The following AK9 variants were observed in gnomAD, a reference collection of about 807,000 sequenced individuals.
AK9 encodes adenylate kinase domain containing 1.
Under a neutral mutation model 239.6 loss-of-function variants are expected in AK9, and 191 were observed. That is an observed-to-expected ratio of 0.80 (90% confidence interval 0.71 to 0.90). The LOEUF is 0.90. Among genes scored for constraint, AK9 ranks in the 40% least tolerant of loss-of-function variants. The pLI is 0.00. For missense variants in AK9, 1,995 were observed against 2,214.7 expected (o/e 0.90, Z 1.99); for synonymous variants, 689 against 721.0 (o/e 0.96, Z 0.71).
intron 33 of AK9, among the ~76,000 whole-genome samples, chr6:109,508,631 G>C (rs935177418): frequency 2.6e-5 from 4 of 152,192 alleles, no homozygotes; most frequent in Non-Finnish European, 5.9e-5. Context: ...CAGGGCTTCA[G>C]GTTTCATGGG....
Position 109,645,291 on chromosome 6 carries a change from T to G in AK9, c.760-603A>C, listed in dbSNP as rs181892193. Among the ~76,000 whole-genome samples the G allele has an allele frequency of 2.8e-3, 422 of 152,224 alleles. 2 individuals are homozygous for G. Among genetic ancestry groups the G allele is most frequent in the African/African-American group, 9.9e-3 (410 of 41,550 alleles). Reference sequence around the variant, plus strand: ...TGGGAAGCACAAGGGGTGGGGGGATTTCGCTTTCCTAGCCAAGGGAAAGTG... The same window carrying G: ...TGGGAAGCACAAGGGGTGGGGGGATGTCGCTTTCCTAGCCAAGGGAAAGTG... On this transcript the variant is annotated intron_variant, in intron 8 of 40. Transcript: ENST00000424296.
chr6:109,540,677 C>A (rs1210905656), intron 27 of AK9, among the ~76,000 whole-genome samples: 2 of 152,194 alleles, frequency 1.3e-5, no homozygotes, highest in African/African-American at 4.8e-5. Context: ...TCAGAAATCA[C>A]CTGTCCTCTC....
At chr6:109,641,464 C>G (rs1167913829) in intron 10 of AK9, 54 bp downstream of exon 10, 5 of 1,453,852 alleles carry the variant, frequency 3.4e-6, no homozygotes, top group Non-Finnish European at 4.8e-6. Context: ...CCACTGCACC[C>G]TGCCCACAAC....
At position 109,610,353 on chromosome 6, in the gene AK9, T is replaced by C; in HGVS notation, c.1842+12A>G. 6.4e-7 allele frequency: 1 copy of C among 1,550,960 alleles called. No individual in the cohort carries two copies. Among genetic ancestry groups the C allele is most frequent in the Non-Finnish European group, 8.7e-7 (1 of 1,146,606 alleles). On this transcript the variant is annotated intron_variant, in intron 17 of 40. Transcript: ENST00000424296. ...AAGTCACTGATAAGAATTGCCCAGC[T>C]AGATTTTTTACCTCTCCAAGGACTT...
intron 17 of AK9, among the ~76,000 whole-genome samples, chr6:109,597,491 T>G (rs1476562075): frequency 6.6e-6 from 1 of 151,960 alleles, no homozygotes; most frequent in African/African-American, 2.4e-5. Flanking sequence ...GCTAACATGG[T>G]GAAACCCCAT....
At chr6:109,518,804 G>C (rs1040571594) in intron 29 of AK9, among the ~76,000 whole-genome samples, 3 of 150,976 alleles carry the variant, frequency 2.0e-5, no homozygotes, top group Admixed American at 2.0e-4. Context: ...TTTTTTCAAT[G>C]AATTAAAAAA....
chr6:109,667,309 T>A (rs938277935), intron 5 of AK9, among the ~76,000 whole-genome samples: 1 of 152,088 alleles, frequency 6.6e-6, no homozygotes, highest in Non-Finnish European at 1.5e-5. Flanking sequence ...TTGTTTTTTT[T>A]TTTAATTCTC....
chr6:109,528,893 G>C (rs1780861943), intron 29 of AK9, 118 bp downstream of exon 29: 1 of 1,498,602 alleles, frequency 6.7e-7, no homozygotes, highest in African/African-American at 1.4e-5. Context: ...AGGCTGAGGT[G>C]GGAGGATCCC....
chr6:109,586,397 G>A (rs1028285102), intron 17 of AK9, among the ~76,000 whole-genome samples: 1 of 152,116 alleles, frequency 6.6e-6, no homozygotes, highest in Non-Finnish European at 1.5e-5. Context: ...GTCAGACCCT[G>A]TCTCTAATGA....
At chr6:109,640,626 A>G (rs1290424592) in intron 10 of AK9, among the ~76,000 whole-genome samples, 2 of 151,476 alleles carry the variant, frequency 1.3e-5, no homozygotes, top group East Asian at 3.9e-4. Context: ...GCTATGTCCC[A>G]GGCTGGTCTC....
chr6:109,647,378 A>G (rs1798214101), intron 8 of AK9, among the ~76,000 whole-genome samples: 1 of 152,224 alleles, frequency 6.6e-6, no homozygotes, highest in Admixed American at 6.5e-5. Flanking sequence ...GGCTCAAAAT[A>G]AAGGGATGGA....
chr6:109,590,179 T>C (rs1790034976), intron 17 of AK9, among the ~76,000 whole-genome samples: 1 of 152,164 alleles, frequency 6.6e-6, no homozygotes, highest in Admixed American at 6.6e-5. Context: ...AATTTGGCTG[T>C]AAAACCATCT....
intron 27 of AK9, among the ~76,000 whole-genome samples, chr6:109,538,379 T>C (rs1782332933): frequency 6.6e-6 from 1 of 152,218 alleles, no homozygotes; most frequent in Non-Finnish European, 1.5e-5. Flanking sequence ...TTGACTCTTT[T>C]GATCTTTGTT....
At chr6:109,616,493 T>C (rs1794206803) in intron 13 of AK9, among the ~76,000 whole-genome samples, 1 of 151,980 alleles carries the variant, frequency 6.6e-6, no homozygotes, top group African/African-American at 2.4e-5. Flanking sequence ...TCCTCCCATC[T>C]CAGCCTCCTG....
rs1770865668 is a variant in AK9 at position 109,671,422 on chromosome 6, TC to T, written c.331+496del. Among the ~76,000 whole-genome samples, 4 of 152,294 alleles carry T rather than the reference TC, an allele frequency of 2.6e-5. No individual in the cohort carries two copies. The South Asian group carries it at 8.3e-4, about 32-fold the overall frequency. ...TTAGATCCAAAGCCCTTGCTCAGCA[TC>T]CATTTGAGTACCAGGAGAGGTTTCA... On this transcript the variant is annotated intron_variant, in intron 5 of 40. Coordinates refer to ENST00000424296, the MANE Select transcript of AK9 (RefSeq NM_001145128.3).
chr6:109,654,248 G>A (rs991054320), intron 8 of AK9, among the ~76,000 whole-genome samples: 8 of 152,020 alleles, frequency 5.3e-5, no homozygotes, highest in Admixed American at 2.0e-4. Flanking sequence ...CCTCTAGACC[G>A]ACAACAGATT....
chr6:109,638,497 T>A (rs1260900240), intron 10 of AK9, among the ~76,000 whole-genome samples: 1 of 152,226 alleles, frequency 6.6e-6, no homozygotes, highest in Non-Finnish European at 1.5e-5. Context: ...TTTTTATTTT[T>A]GAGACAGGGT....
At chr6:109,600,569 G>A (rs990772818) in intron 17 of AK9, among the ~76,000 whole-genome samples, 4 of 152,154 alleles carry the variant, frequency 2.6e-5, no homozygotes, top group Non-Finnish European at 5.9e-5. Flanking sequence ...CCAGGCTTTG[G>A]TATCAGGATG....
At chr6:109,674,953 G>A (rs902205589) in intron 2 of AK9, among the ~76,000 whole-genome samples, 2 of 152,120 alleles carry the variant, frequency 1.3e-5, no homozygotes, top group Admixed American at 6.6e-5. Context: ...TTTATCTAGA[G>A]TTTCTTACTA....
Sources: gnomAD v4.1 joint callset for allele counts (sites outside exome capture counted in the v4.1 genomes callset) on GRCh38, gnomAD v4.1.1 for gene constraint, MANE v1.5 for transcripts, NCBI Gene and HGNC (gene_info 2026-07-23, HGNC 2026-07-21) for gene names.